The following WAC variants were observed in gnomAD, a reference collection of about 807,000 sequenced individuals.
WAC encodes the protein WW domain-containing adapter protein with coiled-coil.
WAC carries 11 observed loss-of-function variants against 79.6 expected under a neutral mutation model. The observed-to-expected ratio is 0.14, with a 90% CI of 0.09 to 0.23. The LOEUF (loss-of-function observed/expected upper bound fraction) is 0.23, where lower values mean the gene tolerates loss of function less well. Ranked by LOEUF, WAC falls within the 10% of genes least tolerant of loss-of-function variation. The probability of loss-of-function intolerance (pLI) is 1.00; values close to 1 mark genes in which losing one functional copy is unlikely to be tolerated. For synonymous variants in WAC, 304 were observed against 276.9 expected (o/e 1.10, Z -0.97); for missense variants, 728 against 773.5 (o/e 0.94, Z 0.70).
rs555757577 is a variant in WAC at position 28,592,219 on chromosome 10, CTT to C, written c.610+1390_610+1391del. On this transcript the variant is annotated intron_variant, in intron 6 of 13. Transcript: ENST00000354911. ...TTCTTTTTATATCTTAATAAACTGACTTTTGTCAAACAATTAAAAATGAGACC... is the reference window on the plus strand; with the variant it reads ...TTCTTTTTATATCTTAATAAACTGACTTGTCAAACAATTAAAAATGAGACC... Among the ~76,000 whole-genome samples the C allele has an allele frequency of 3.5e-3, 539 of 152,242 alleles. 1 individual carries two copies. The highest frequency in any genetic ancestry group is 0.012 in the African/African-American group (501 of 41,536).
rs4747624 is a variant in WAC, at chr10:28,622,830, C to T, written c.*3224C>T. 6 of 152,098 alleles carry T rather than the reference C, an allele frequency of 3.9e-5. No homozygotes were observed. Among genetic ancestry groups the T allele is most frequent in the East Asian group, 1.9e-4 (1 of 5,188 alleles). 9.4% of individuals were successfully genotyped at this position (152,098 alleles called of 1,614,324 possible). ...GACTGTTTGAAAGGGGAGAGGGCAA[C>T]GCGGGAAATAATTCACTCTGCGCAC... On this transcript the variant is annotated 3_prime_UTR_variant, in exon 14 of 14. Coordinates refer to ENST00000354911, the MANE Select transcript of WAC (RefSeq NM_016628.5).
chr10:28,538,306 G>A (rs759613848), intron 3 of WAC: 9 of 331,626 alleles, frequency 2.7e-5, no homozygotes, highest in African/African-American at 1.5e-4. Flanking sequence ...AATTCAGGCC[G>A]GGTCAGTGGC....
At chr10:28,545,862 G>A (rs1837323762) in intron 3 of WAC, among the ~76,000 whole-genome samples, 1 of 152,162 alleles carries the variant, frequency 6.6e-6, no homozygotes, top group South Asian at 2.1e-4. Flanking sequence ...ACCTACTTAG[G>A]TACTACATTT....
At chr10:28,573,397 G>T (rs1446951581) in intron 3 of WAC, among the ~76,000 whole-genome samples, 2 of 151,846 alleles carry the variant, frequency 1.3e-5, no homozygotes, top group Non-Finnish European at 2.9e-5. Flanking sequence ...CACAGTATGT[G>T]GTCTTTTGTG....
chr10:28,534,646 G>A (rs1452560918), intron 2 of WAC, among the ~76,000 whole-genome samples: 1 of 152,196 alleles, frequency 6.6e-6, no homozygotes, highest in Non-Finnish European at 1.5e-5. Flanking sequence ...CAGTCATTGT[G>A]TGTGAAGTTC....
intron 3 of WAC, among the ~76,000 whole-genome samples, chr10:28,581,238 CTTTTTTTTTTT>C (rs71391053): frequency 6.0e-5 from 4 of 66,116 alleles, no homozygotes; most frequent in Admixed American, 2.1e-4. Context: ...ATGAGCGATT[CTTTTTTTTTTT>C]TTTTTTTTTT....
chr10:28,569,456 GTC>G (rs778515823), intron 3 of WAC, among the ~76,000 whole-genome samples: 5 of 152,174 alleles, frequency 3.3e-5, no homozygotes, highest in Non-Finnish European at 5.9e-5. Flanking sequence ...ATTTTTGCCA[GTC>G]TGATTATTCA....
intron 3 of WAC, among the ~76,000 whole-genome samples, chr10:28,582,535 C>T (rs1277798613): frequency 2.0e-5 from 3 of 152,084 alleles, no homozygotes; most frequent in Admixed American, 1.3e-4. Flanking sequence ...AGTTTTTGTT[C>T]ATAATAGTGT....
intron 3 of WAC, among the ~76,000 whole-genome samples, chr10:28,581,454 A>G (rs578098364): frequency 6.6e-6 from 1 of 151,910 alleles, no homozygotes; most frequent in Non-Finnish European, 1.5e-5. Context: ...AGATTCCCAC[A>G]TGTCTGTCAA....
Position 28,622,478 on chromosome 10 carries a change from T to C in WAC, c.*2872T>C, listed in dbSNP as rs953488065. ...AGATCAGTAGTCTCTATTCAAACTTTTAAAATGTCGTGGTATTGTAACAAT... is the reference window on the plus strand; with the variant it reads ...AGATCAGTAGTCTCTATTCAAACTTCTAAAATGTCGTGGTATTGTAACAAT... On this transcript the variant is annotated 3_prime_UTR_variant, in exon 14 of 14. Coordinates refer to ENST00000354911, the MANE Select transcript of WAC (RefSeq NM_016628.5). 1.1e-4 allele frequency: 14 copies of C among 124,432 alleles called. No homozygotes were observed. The highest frequency in any genetic ancestry group is 4.3e-4 in the African/African-American group (14 of 32,710). The allele number at this position is 124,432 out of a possible 1,614,324, so 7.7% of individuals were successfully genotyped here.
intron 6 of WAC, among the ~76,000 whole-genome samples, chr10:28,593,613 C>A (rs1018824341): frequency 2.6e-5 from 4 of 151,300 alleles, no homozygotes; most frequent in Non-Finnish European, 4.4e-5. Flanking sequence ...ACTAAAAATA[C>A]AAAAATAAGC....
intron 3 of WAC, among the ~76,000 whole-genome samples, chr10:28,554,824 T>A (rs368314245): frequency 6.6e-6 from 1 of 152,222 alleles, no homozygotes; most frequent in East Asian, 1.9e-4. Context: ...TTCTGACTTA[T>A]CTTGGGTACC....
intron 3 of WAC, among the ~76,000 whole-genome samples, chr10:28,581,956 G>A (rs1321360591): frequency 1.3e-5 from 2 of 152,166 alleles, no homozygotes; most frequent in African/African-American, 4.8e-5. Context: ...GTAGAATACT[G>A]TACAGCAAGA....
Position 28,621,215 on chromosome 10 carries a change from A to ATTTTTTTTTTT in WAC, c.*1619_*1629dup, listed in dbSNP as rs9331408. 9.8e-6 allele frequency: 1 copy of ATTTTTTTTTTT among 102,504 alleles called. No individual in the cohort carries two copies. The highest frequency in any genetic ancestry group is 1.9e-5 in the Non-Finnish European group (1 of 51,872). 6.3% of individuals were successfully genotyped at this position (102,504 alleles called of 1,614,324 possible). A position where few individuals can be genotyped will look rare whatever the true frequency, so the allele number is the denominator to read the frequency against. On this transcript the variant is annotated 3_prime_UTR_variant, in exon 14 of 14. Transcript: ENST00000354911. ...TAAATTGGTTTAGGGTTTTTTGGTG[A>ATTTTTTTTTTT]TTTTTTTTTTTTTTTTTTTTCTGTT...
intron 7 of WAC, among the ~76,000 whole-genome samples, chr10:28,597,999 C>T (rs1488197510): frequency 6.6e-6 from 1 of 152,162 alleles, no homozygotes; most frequent in Non-Finnish European, 1.5e-5. Flanking sequence ...AACTTTTGGC[C>T]TCAAGCAGTC....
At chr10:28,548,925 C>T (rs1267614696) in intron 3 of WAC, among the ~76,000 whole-genome samples, 3 of 152,016 alleles carry the variant, frequency 2.0e-5, no homozygotes, top group African/African-American at 7.2e-5. Context: ...GAGTCTTGTC[C>T]TGTCACCCAG....
intron 13 of WAC, among the ~76,000 whole-genome samples, 167 bp from the exon 14 acceptor site, chr10:28,619,356 TGTATTAAATGTTTA>T (rs1841609804): frequency 6.6e-6 from 1 of 152,244 alleles, no homozygotes; most frequent in Non-Finnish European, 1.5e-5. Context: ...ATAGATATTA[TGTATTAAATGTTTA>T]CTTTGTCTTA....
At position 28,595,850 on chromosome 10, in the gene WAC, C is replaced by A; in HGVS notation, c.728C>A (p.Ser243Tyr). ...CCAAGAGCAGAGACTCACAGTAGTT[C>A]TACGCCAGTACAGCACCCCATCAAA... is the stretch of plus-strand genomic sequence containing the variant. The part of the protein sequence containing the change: ...RLPRAETHSS[S>Y]TPVQHPIKPV... The change falls in exon 7 of 14, where the codon TCT (serine) becomes TAT (tyrosine). Residue 243 changes from serine (S) to tyrosine (Y), a missense_variant. Around this residue, in one of 3 missense-constraint regions of WAC, gnomAD observed 648 missense variants for 661.5 expected, o/e 0.98. Transcript: ENST00000354911. 2 of 1,614,162 alleles carry A rather than the reference C, an allele frequency of 1.2e-6. No homozygotes were observed. Among genetic ancestry groups the A allele is most frequent in the Non-Finnish European group, 1.7e-6 (2 of 1,180,004 alleles).
At chr10:28,560,063 C>T (rs1184564873) in intron 3 of WAC, among the ~76,000 whole-genome samples, 1 of 152,090 alleles carries the variant, frequency 6.6e-6, no homozygotes, top group Non-Finnish European at 1.5e-5. Context: ...AGAATAAGGC[C>T]AGGCGTGGTG....
Sources: gnomAD v4.1 joint callset for allele counts (sites outside exome capture counted in the v4.1 genomes callset) on GRCh38, gnomAD v4.1.1 for gene constraint, gnomAD v4.1.1 regional missense constraint, MANE v1.5 for transcripts, NCBI Gene and HGNC (gene_info 2026-07-23, HGNC 2026-07-21) for gene names.